The following ADAMTS9 variants were observed in gnomAD, a reference collection of about 807,000 sequenced individuals.
ADAMTS9 encodes ADAM metallopeptidase with thrombospondin type 1 motif 9, also known as A disintegrin and metalloproteinase with thrombospondin motifs 9.
Under a neutral mutation model 257.1 loss-of-function variants are expected in ADAMTS9, and 107 were observed. The observed-to-expected ratio is 0.42, with a 90% confidence interval of 0.36 to 0.49. The LOEUF is 0.49. Ranked by LOEUF, ADAMTS9 falls within the 20% of genes least tolerant of loss-of-function variation. The pLI is 0.03. For missense variants in ADAMTS9, 2,353 were observed against 2,469.1 expected, an observed-to-expected ratio of 0.95 and a Z score of 1.00; for synonymous variants, 982 against 880.9, an observed-to-expected ratio of 1.11 and a Z score of -2.03.
rs2083208711 is a variant in ADAMTS9, at chr3:64,546,968, T to A, written c.4870-16A>T. 2 of 1,596,146 alleles carry A rather than the reference T, an allele frequency of 1.3e-6. No homozygotes were observed. The highest frequency in any genetic ancestry group is 1.7e-6 in the Non-Finnish European group (2 of 1,171,062). On this transcript the variant is annotated splice_polypyrimidine_tract_variant and intron_variant, in intron 31 of 39. Coordinates refer to ENST00000498707, the MANE Select transcript of ADAMTS9 (RefSeq NM_182920.2). Reference sequence around the variant, plus strand: ...TCACTGAGCACTGCAAAGACAGGGATTGAGAGGAGAGGTTCGAGCAGTTCC... The same window carrying A: ...TCACTGAGCACTGCAAAGACAGGGAATGAGAGGAGAGGTTCGAGCAGTTCC...
At chr3:64,522,083 C>A in intron 39 of ADAMTS9, 83 bp downstream of exon 39, 2 of 1,201,186 alleles carry the variant, frequency 1.7e-6, no homozygotes, top group South Asian at 1.3e-5. Context: ...GTAACCCTGC[C>A]TGATCCTCCC....
At chr3:64,670,572 T>C (rs1040341362) in intron 3 of ADAMTS9, among the ~76,000 whole-genome samples, 3 of 152,196 alleles carry the variant, frequency 2.0e-5, no homozygotes, top group Non-Finnish European at 4.4e-5. Flanking sequence ...TTAAGAGACT[T>C]TTTGAAAGAC....
At chr3:64,542,000 G>T (rs1301727724) in intron 32 of ADAMTS9, 30 bp from the exon 33 acceptor site, 1 of 1,613,350 alleles carries the variant, frequency 6.2e-7, no homozygotes, top group Non-Finnish European at 8.5e-7. Flanking sequence ...CAGCGGTGTG[G>T]CTATGGAATG....
At position 64,622,445 on chromosome 3, in the gene ADAMTS9, C is replaced by G. The variant is rs148570059; in HGVS notation, c.2531G>C (p.Arg844Pro). 6.2e-7 allele frequency: 1 copy of G among 1,613,918 alleles called. No homozygotes were observed. The highest frequency in any genetic ancestry group is 1.3e-5 in the African/African-American group (1 of 74,986). The change falls in exon 17 of 40, where the codon CGC becomes CCC. Residue 844 changes from arginine to proline, a missense_variant. Around this residue, in one of 3 missense-constraint regions of ADAMTS9, gnomAD observed 1,402 missense variants for 1,441.4 expected, o/e 0.97. Coordinates refer to ENST00000498707, the MANE Select transcript of ADAMTS9 (RefSeq NM_182920.2). ...CTGAAGCAAAAGTTCTTGCTCAATG[C>G]GATCTGTTGAGTTAATTCTTTCTAC... Reference protein sequence around the residue: ...TAVERINSTDRIEQELLLQVL... With the variant: ...TAVERINSTDPIEQELLLQVL...
chr3:64,621,338 C>T (rs931135959), intron 18 of ADAMTS9, 98 bp from the exon 19 acceptor site: 14 of 1,334,366 alleles, frequency 1.0e-5, no homozygotes, highest in Admixed American at 2.2e-5. Flanking sequence ...AAGAGCCAGA[C>T]AGTAAATATC....
At chr3:64,537,713 T>C (rs2083068693) in intron 37 of ADAMTS9, among the ~76,000 whole-genome samples, 1 of 152,218 alleles carries the variant, frequency 6.6e-6, no homozygotes, top group Non-Finnish European at 1.5e-5. Context: ...CTTCAGACTT[T>C]TGAAGGTTCA....
At chr3:64,667,482 G>T (rs576764380) in intron 3 of ADAMTS9, among the ~76,000 whole-genome samples, 1 of 152,294 alleles carries the variant, frequency 6.6e-6, no homozygotes, top group East Asian at 1.9e-4. Context: ...AGAGAAGGGC[G>T]TGCGAGTGGA....
At chr3:64,558,347 C>T (rs1277672798) in intron 30 of ADAMTS9, among the ~76,000 whole-genome samples, 4 of 152,136 alleles carry the variant, frequency 2.6e-5, no homozygotes, top group Non-Finnish European at 5.9e-5. Context: ...ATAAATACTA[C>T]ATCAGAGAGT....
chr3:64,543,925 G>T (rs55877616), intron 32 of ADAMTS9, among the ~76,000 whole-genome samples: 1 of 152,022 alleles, frequency 6.6e-6, no homozygotes, highest in Non-Finnish European at 1.5e-5. Context: ...CAAAGTCTCC[G>T]GATACAAATA....
At position 64,541,198 on chromosome 3, in the gene ADAMTS9, G is replaced by A. The variant is rs138585087; in HGVS notation, c.5418C>T (p.Asn1806=). ...RLHNPTECPY[N]GSRRDDCQCR... is the part of the protein sequence containing the mutation. Reference sequence around the variant, plus strand: ...ATTGGCAGTCATCGCGCCGGCTCCCGTTATAGGGACATTCTGTTGGGTTGT... The same window carrying A: ...ATTGGCAGTCATCGCGCCGGCTCCCATTATAGGGACATTCTGTTGGGTTGT... The change falls in exon 36 of 40, where the codon AAC becomes AAT. Residue 1806 remains asparagine (N), a synonymous_variant. Coordinates refer to ENST00000498707, the MANE Select transcript of ADAMTS9 (RefSeq NM_182920.2). 1.5e-5 allele frequency: 24 copies of A among 1,614,172 alleles called. 1 individual carries two copies. The highest frequency in any genetic ancestry group is 1.6e-4 in the Middle Eastern group (1 of 6,062).
At chr3:64,672,258 G>A (rs754656805) in intron 3 of ADAMTS9, among the ~76,000 whole-genome samples, 14 of 152,176 alleles carry the variant, frequency 9.2e-5, no homozygotes. Context: ...AGCAGGGAAT[G>A]GGTTTCTGAA....
intron 30 of ADAMTS9, among the ~76,000 whole-genome samples, chr3:64,553,582 A>G (rs897892153): frequency 6.6e-6 from 1 of 152,116 alleles, no homozygotes; most frequent in Non-Finnish European, 1.5e-5. Flanking sequence ...TTGCTGGGTC[A>G]TATAGTATGC....
chr3:64,562,615 A>C (rs1307047299), intron 29 of ADAMTS9, among the ~76,000 whole-genome samples: 1 of 152,214 alleles, frequency 6.6e-6, no homozygotes, highest in East Asian at 1.9e-4. Context: ...AAAGAATGGT[A>C]TATTATTACA....
intron 28 of ADAMTS9, among the ~76,000 whole-genome samples, chr3:64,569,752 C>T (rs1432626483): frequency 6.6e-6 from 1 of 152,078 alleles, no homozygotes; most frequent in Non-Finnish European, 1.5e-5. Context: ...ATACATTTGG[C>T]TTTAATTTTT....
At chr3:64,517,417 T>TTTTTTTTTTTTTTGTTG in intron 39 of ADAMTS9, among the ~76,000 whole-genome samples, 1 of 48,228 alleles carries the variant, frequency 2.1e-5, no homozygotes, top group African/African-American at 1.1e-4. Flanking sequence ...TTAAAAATGG[T>TTTTTTTTTTTTTTGTTG]TTTTTTTTTT....
chr3:64,555,017 A>C (rs911463708), intron 30 of ADAMTS9, among the ~76,000 whole-genome samples: 8 of 152,176 alleles, frequency 5.3e-5, no homozygotes, highest in African/African-American at 1.4e-4. Context: ...GGGGGGAAGA[A>C]AACCGCTTGA....
At chr3:64,575,954 C>A (rs958973586) in intron 28 of ADAMTS9, among the ~76,000 whole-genome samples, 3 of 152,174 alleles carry the variant, frequency 2.0e-5, no homozygotes, top group Non-Finnish European at 2.9e-5. Context: ...CTAATGGAGT[C>A]TAACATTCTA....
intron 37 of ADAMTS9, 46 bp downstream of exon 37, chr3:64,539,157 G>A (rs779200076): frequency 6.5e-7 from 1 of 1,533,178 alleles, no homozygotes; most frequent in Non-Finnish European, 9.0e-7. Context: ...TCCCGGGAAA[G>A]GTGGGAGGTG....
chr3:64,630,966 A>G (rs896625783), intron 16 of ADAMTS9, among the ~76,000 whole-genome samples: 18 of 152,186 alleles, frequency 1.2e-4, no homozygotes, highest in Admixed American at 5.2e-4. Context: ...ATGACTTGAG[A>G]AAAATACGTG....
Sources: allele counts gnomAD v4.1 joint callset (sites outside exome capture counted in the v4.1 genomes callset), GRCh38; gene constraint gnomAD v4.1.1; regional missense constraint gnomAD v4.1.1; transcripts MANE v1.5; gene names NCBI Gene and HGNC (gene_info 2026-07-23, HGNC 2026-07-21).